CATSPERQ: variants seen among roughly 807,000 people sequenced by gnomAD.
The protein encoded by CATSPERQ is catsper channel auxiliary subunit theta, also known as cation channel sperm-associated auxiliary subunit theta.
chr8:144,354,756 G>A, the CATSPERQ span: 5 of 1,535,162 alleles, frequency 3.3e-6, no homozygotes, highest in Non-Finnish European at 4.4e-6. The surrounding 1 kb of genome is among the most constrained non-coding windows in gnomAD (Gnocchi z 4.6). Context: ...TGCCGGCCCG[G>A]CCCTTAGGCA....
At chr8:144,354,526 G>T in the CATSPERQ span, 1 of 1,441,604 alleles carries the variant, frequency 6.9e-7, no homozygotes. This position sits in a 1 kb window ranked among gnomAD's most constrained non-coding sequence, Gnocchi z 4.6. Context: ...ACCTGGCTCC[G>T]CCCCATTCAG....
the CATSPERQ span, chr8:144,353,840 G>C: frequency 5.2e-6 from 8 of 1,535,340 alleles, no homozygotes; most frequent in African/African-American, 6.8e-5. Context: ...CCGAGGACCA[G>C]GTGGAAGAAG....
chr8:144,353,895 C>T, the CATSPERQ span: 1 of 1,530,000 alleles, frequency 6.5e-7, no homozygotes. Flanking sequence ...CCAGCCTGGC[C>T]GCCCCTCCGA....
chr8:144,354,551 T>TCCCACCAACCCC, the CATSPERQ span: 1 of 1,224,578 alleles, frequency 8.2e-7, no homozygotes. This position sits in a 1 kb window ranked among gnomAD's most constrained non-coding sequence, Gnocchi z 4.6. Context: ...CGGGCCCGTC[T>TCCCACCAACCCC]CCCTCCTCCC....
the CATSPERQ span, chr8:144,354,578 A>AACCCCCCCCCCCCCCCCCCCC: frequency 9.0e-6 from 2 of 221,146 alleles, no homozygotes; most frequent in East Asian, 1.2e-4. The surrounding 1 kb of genome is among the most constrained non-coding windows in gnomAD (Gnocchi z 4.6). Context: ...CGCCCTTCCC[A>AACCCCCCCCCCCCCCCCCCCC]GCCCCGCCCC....
the CATSPERQ span, chr8:144,354,801 C>CTCTGATTT: frequency 6.6e-7 from 1 of 1,523,224 alleles, no homozygotes; most frequent in Non-Finnish European, 8.8e-7. This position sits in a 1 kb window ranked among gnomAD's most constrained non-coding sequence, Gnocchi z 4.6. Context: ...CCTGGCCGCT[C>CTCTGATTT]GTCCGCTGCC....
the CATSPERQ span, chr8:144,353,263 G>A: frequency 2.1e-6 from 3 of 1,416,586 alleles, no homozygotes; most frequent in Non-Finnish European, 2.8e-6. Context: ...GAAGGCCAGT[G>A]AGTGGGACTC....
the CATSPERQ span, chr8:144,353,324 C>T: frequency 6.6e-7 from 1 of 1,517,076 alleles, no homozygotes; most frequent in South Asian, 1.2e-5. Context: ...GAACACAGTC[C>T]CGAGGTGGGG....
At chr8:144,353,707 C>A in the CATSPERQ span, 2 of 1,519,732 alleles carry the variant, frequency 1.3e-6, no homozygotes, top group Non-Finnish European at 1.8e-6. Context: ...GAAACGGCCC[C>A]ACCCAAAGAC....
the CATSPERQ span, chr8:144,354,830 C>G: frequency 6.6e-7 from 1 of 1,507,296 alleles, no homozygotes; most frequent in Non-Finnish European, 8.9e-7. This position sits in a 1 kb window ranked among gnomAD's most constrained non-coding sequence, Gnocchi z 4.6. Flanking sequence ...CTGCCCACAG[C>G]GGCACTCCTA....
At chr8:144,353,463 G>A in the CATSPERQ span, 10 of 1,535,944 alleles carry the variant, frequency 6.5e-6, no homozygotes, top group Admixed American at 5.9e-5. Flanking sequence ...GTAGGAGGTG[G>A]CCAGGTAGTC....
the CATSPERQ span, chr8:144,354,901 C>T: frequency 7.2e-7 from 1 of 1,393,456 alleles, no homozygotes; most frequent in South Asian, 1.5e-5. The surrounding 1 kb of genome is among the most constrained non-coding windows in gnomAD (Gnocchi z 4.6). Flanking sequence ...TCACAGGCGA[C>T]TGACAGGGCA....
At chr8:144,354,693 G>T in the CATSPERQ span, 1 of 1,535,600 alleles carries the variant, frequency 6.5e-7, no homozygotes, top group Non-Finnish European at 8.7e-7. This position sits in a 1 kb window ranked among gnomAD's most constrained non-coding sequence, Gnocchi z 4.6. Flanking sequence ...CCGGGCAGGT[G>T]AGTCCTAGGA....
chr8:144,354,638 A>T, the CATSPERQ span: 1 of 1,528,796 alleles, frequency 6.5e-7, no homozygotes, highest in African/African-American at 1.4e-5. The surrounding 1 kb of genome is among the most constrained non-coding windows in gnomAD (Gnocchi z 4.6). Context: ...TGCTGCACGA[A>T]TGGGTAGAAG....
chr8:144,354,303 T>C, the CATSPERQ span: 2 of 1,533,786 alleles, frequency 1.3e-6, no homozygotes, highest in Admixed American at 2.0e-5. The surrounding 1 kb of genome is among the most constrained non-coding windows in gnomAD (Gnocchi z 4.6). Flanking sequence ...CCTTCCACAG[T>C]GTGTCCAGGT....
chr8:144,354,134 T>C, the CATSPERQ span: 2 of 1,534,644 alleles, frequency 1.3e-6, no homozygotes, highest in Non-Finnish European at 1.7e-6. This position sits in a 1 kb window ranked among gnomAD's most constrained non-coding sequence, Gnocchi z 4.6. Flanking sequence ...AAGACCCAGG[T>C]CTCTTGCTTC....
At chr8:144,353,964 G>A in the CATSPERQ span, 4 of 1,533,098 alleles carry the variant, frequency 2.6e-6, no homozygotes, top group Non-Finnish European at 3.5e-6. Context: ...CATCGGAGCT[G>A]AGCGCCAGGC....
chr8:144,354,651 ATTG>A, the CATSPERQ span: 16 of 1,533,370 alleles, frequency 1.0e-5, no homozygotes, highest in Admixed American at 3.0e-4. This position sits in a 1 kb window ranked among gnomAD's most constrained non-coding sequence, Gnocchi z 4.6. Context: ...GGTAGAAGCT[ATTG>A]TTCTTGAGGC....
At chr8:144,354,577 C>CGA in the CATSPERQ span, 3 of 797,568 alleles carry the variant, frequency 3.8e-6, no homozygotes, top group Non-Finnish European at 5.8e-6. This position sits in a 1 kb window ranked among gnomAD's most constrained non-coding sequence, Gnocchi z 4.6. Flanking sequence ...CCGCCCTTCC[C>CGA]AGCCCCGCCC....
Sources: gnomAD v4.1 joint callset for allele counts on GRCh38, gnomAD v4.1.1 for gene constraint, Gnocchi (gnomAD v3.1) non-coding constraint, MANE v1.5 for transcripts, NCBI Gene and HGNC (gene_info 2026-07-23, HGNC 2026-07-21) for gene names.